FAM78B: variants seen among roughly 807,000 people sequenced by gnomAD.
The protein encoded by FAM78B is family with sequence similarity 78 member B.
FAM78B carries 10 observed loss-of-function variants against 20.0 expected under a neutral mutation model. That is an observed-to-expected ratio of 0.50 (90% CI 0.31 to 0.85). The LOEUF is 0.85. Among genes scored for constraint, FAM78B ranks in the 40% least tolerant of loss-of-function variants. The pLI is 0.05. For synonymous variants in FAM78B, 135 were observed against 132.8 expected (o/e 1.02, Z -0.12); for missense variants, 283 against 345.0 (o/e 0.82, Z 1.42).
intron 1 of FAM78B, among the ~76,000 whole-genome samples, chr1:166,112,478 G>A (rs756145848): frequency 5.3e-5 from 8 of 152,152 alleles, no homozygotes; most frequent in Non-Finnish European, 8.8e-5. Flanking sequence ...GCCTCCAAAT[G>A]CTGCAAGACC....
At chr1:166,164,426 G>A (rs558002388) in intron 1 of FAM78B, among the ~76,000 whole-genome samples, 2 of 152,330 alleles carry the variant, frequency 1.3e-5, no homozygotes, top group South Asian at 4.1e-4. Flanking sequence ...TCTTTTGAGG[G>A]TATGTCAGTT....
At chr1:166,121,331 C>T (rs1054219222) in intron 1 of FAM78B, among the ~76,000 whole-genome samples, 7 of 152,144 alleles carry the variant, frequency 4.6e-5, no homozygotes, top group African/African-American at 7.2e-5. Context: ...ACCCTCACCT[C>T]GGTCACTCTT....
At chr1:166,109,859 T>TATATA (rs1653954417) in intron 1 of FAM78B, among the ~76,000 whole-genome samples, 1 of 23,690 alleles carries the variant, frequency 4.2e-5, no homozygotes. Context: ...TATATATATA[T>TATATA]ATGTATGTGT....
At chr1:166,156,591 T>C (rs768042064) in intron 1 of FAM78B, among the ~76,000 whole-genome samples, 4 of 152,252 alleles carry the variant, frequency 2.6e-5, no homozygotes, top group Admixed American at 6.5e-5. Context: ...TTGTCCTACA[T>C]GTTTCATGAT....
At chr1:166,111,615 GA>G (rs1351861300) in intron 1 of FAM78B, among the ~76,000 whole-genome samples, 2 of 152,160 alleles carry the variant, frequency 1.3e-5, no homozygotes, top group African/African-American at 4.8e-5. Flanking sequence ...TGAAGTGGGG[GA>G]AAAGTCAAAC....
At chr1:166,062,307 C>G (rs74118964) in intron 2 of FAM78B, among the ~76,000 whole-genome samples, 18,729 of 152,214 alleles carry the variant, frequency 0.12, 1,229 homozygotes, top group Middle Eastern at 0.17. Context: ...CCAATGAACA[C>G]TGCATTTGAT....
At chr1:166,154,043 G>A (rs953177816) in intron 1 of FAM78B, among the ~76,000 whole-genome samples, 1 of 152,188 alleles carries the variant, frequency 6.6e-6, no homozygotes, top group Admixed American at 6.5e-5. Flanking sequence ...ACAGAGACAG[G>A]GTCTCCAGGC....
At chr1:166,102,305 G>A (rs1413468652) in intron 1 of FAM78B, among the ~76,000 whole-genome samples, 6 of 152,108 alleles carry the variant, frequency 3.9e-5, no homozygotes, top group South Asian at 2.1e-4. Context: ...ATCAACTAAC[G>A]AGCAAAATAA....
chr1:166,104,133 G>T (rs1194875431), intron 1 of FAM78B, among the ~76,000 whole-genome samples: 1 of 152,094 alleles, frequency 6.6e-6, no homozygotes, highest in Non-Finnish European at 1.5e-5. Flanking sequence ...TGCAGAAAAG[G>T]CTTTTGACAA....
chr1:166,128,522 G>A (rs932093405), intron 1 of FAM78B, among the ~76,000 whole-genome samples: 1 of 152,220 alleles, frequency 6.6e-6, no homozygotes, highest in African/African-American at 2.4e-5. Context: ...AACTGAATGC[G>A]CTAATGTTGG....
intron 1 of FAM78B, among the ~76,000 whole-genome samples, chr1:166,133,878 T>A (rs1227517643): frequency 1.3e-5 from 2 of 152,204 alleles, no homozygotes; most frequent in African/African-American, 4.8e-5. Context: ...AGCCCTTACT[T>A]TATACGAGGA....
At chr1:166,098,374 G>A (rs1163897175) in intron 1 of FAM78B, among the ~76,000 whole-genome samples, 1 of 152,036 alleles carries the variant, frequency 6.6e-6, no homozygotes, top group Non-Finnish European at 1.5e-5. Context: ...ATCAGCAATT[G>A]ATCCAAACGA....
At chr1:166,087,746 G>A (rs1652889279) in intron 1 of FAM78B, among the ~76,000 whole-genome samples, 2 of 152,162 alleles carry the variant, frequency 1.3e-5, no homozygotes, top group Non-Finnish European at 2.9e-5. Flanking sequence ...ATTTTTAAAA[G>A]TTACATTACT....
chr1:166,072,011 A>G (rs2101711070), intron 1 of FAM78B, among the ~76,000 whole-genome samples: 1 of 152,314 alleles, frequency 6.6e-6, no homozygotes, highest in Middle Eastern at 3.4e-3. Flanking sequence ...GATGCTTGGT[A>G]ATAATGCACT....
chr1:166,103,029 T>C (rs562170928), intron 1 of FAM78B, among the ~76,000 whole-genome samples: 1 of 152,302 alleles, frequency 6.6e-6, no homozygotes, highest in East Asian at 1.9e-4. Flanking sequence ...GCAATCAAAC[T>C]AGAACTCAGG....
intron 1 of FAM78B, among the ~76,000 whole-genome samples, chr1:166,101,230 C>T (rs976275964): frequency 4.4e-4 from 67 of 152,152 alleles, no homozygotes; most frequent in Admixed American, 1.4e-3. Flanking sequence ...GATAAAACCA[C>T]AAAGATGGGG....
At chr1:166,124,990 C>G (rs1236676371) in intron 1 of FAM78B, among the ~76,000 whole-genome samples, 1 of 152,230 alleles carries the variant, frequency 6.6e-6, no homozygotes, top group Non-Finnish European at 1.5e-5. Flanking sequence ...CTCAGCTATA[C>G]TTTCTCTCTC....
At chr1:166,120,910 C>A (rs1047513028) in intron 1 of FAM78B, among the ~76,000 whole-genome samples, 7 of 152,232 alleles carry the variant, frequency 4.6e-5, no homozygotes, top group Admixed American at 4.6e-4. Context: ...CTCTCCCCTT[C>A]ATCCACTTGG....
At chr1:166,084,769 T>C (rs912143521) in intron 1 of FAM78B, among the ~76,000 whole-genome samples, 2 of 152,184 alleles carry the variant, frequency 1.3e-5, no homozygotes, top group African/African-American at 4.8e-5. Context: ...TGGATGTCTC[T>C]GACTTGCTGC....
Sources: gnomAD v4.1 joint callset for allele counts (sites outside exome capture counted in the v4.1 genomes callset) on GRCh38, gnomAD v4.1.1 for gene constraint, MANE v1.5 for transcripts, NCBI Gene and HGNC (gene_info 2026-07-23, HGNC 2026-07-21) for gene names.